Variants in MED16 observed in about 807,000 individuals in gnomAD.
MED16 encodes the protein mediator of RNA polymerase II transcription subunit 16.
Under a neutral mutation model 84.4 loss-of-function variants are expected in MED16, and 81 were observed. That is an observed-to-expected ratio of 0.96 (90% CI 0.80 to 1.15). The LOEUF (loss-of-function observed/expected upper bound fraction) is 1.15, where lower values mean the gene tolerates loss of function less well. Among genes scored for constraint, MED16 ranks in the 50% most tolerant of loss-of-function variants. The probability of loss-of-function intolerance (pLI) is 0.00; values close to 1 mark genes in which losing one functional copy is unlikely to be tolerated. For synonymous variants in MED16, 897 were observed against 552.2 expected (o/e 1.62, Z -8.76); for missense variants, 1,585 against 1,245.9 (o/e 1.27, Z -4.10).
chr19:875,308 G>A lies in MED16; in HGVS notation c.1707C>T (p.Leu569=). Residue 569 remains leucine (L), a synonymous_variant, in exon 10 of 16, where the codon CTC becomes CTT. Transcript: ENST00000325464. ...CGCCGGGGCTCTTGTCAGGCGTGTT[G>A]AGAAAGTGGGGGCGCAGCAGCGACT... is the stretch of plus-strand genomic sequence containing the variant. ...TLKSLLRPHF[L]NTPDKSPGDR... 6.2e-7 allele frequency: 1 copy of A among 1,611,142 alleles called. No individual in the cohort carries two copies.
rs530931456 is a variant in MED16 at position 874,050 on chromosome 19, A to G, written c.1772-468T>C. ...CACAGAACTAACCATGACTGTGCAC[A>G]CGGCTCCCAGCTACCAGGAGTGCCA... On this transcript the variant is annotated intron_variant, in intron 10 of 15. Transcript: ENST00000325464. Among the ~76,000 whole-genome samples, 167 of 152,242 alleles carry G rather than the reference A, an allele frequency of 1.1e-3. 2 individuals carry two copies. Among genetic ancestry groups the G allele is most frequent in the African/African-American group, 3.9e-3 (164 of 41,550 alleles).
At chr19:891,510 C>G (rs560210652) in intron 1 of MED16, among the ~76,000 whole-genome samples, 1 of 151,282 alleles carries the variant, frequency 6.6e-6, no homozygotes, top group East Asian at 1.9e-4. Flanking sequence ...ATGGGGGCAG[C>G]AAGTGGACAC....
At chr19:878,042 G>T in intron 8 of MED16, among the ~76,000 whole-genome samples, 1 of 60,154 alleles carries the variant, frequency 1.7e-5, no homozygotes. Context: ...CCAGCCCCAC[G>T]TGCCCCAGCA....
intron 5 of MED16, among the ~76,000 whole-genome samples, chr19:885,316 G>A (rs891165192): frequency 3.3e-5 from 5 of 152,148 alleles, no homozygotes; most frequent in East Asian, 1.9e-4. Flanking sequence ...GAATCCAGGC[G>A]ACCTGGTGTG....
rs756660089 is a variant in MED16, at chr19:875,352, C to T, written c.1663G>A (p.Ala555Thr). 17 of 1,609,638 alleles carry T rather than the reference C, an allele frequency of 1.1e-5. No individual in the cohort carries two copies. The highest frequency in any genetic ancestry group is 3.3e-5 in the Admixed American group (2 of 59,944). Residue 555 changes from alanine (A) to threonine (T), a missense_variant, in exon 10 of 16, where the codon GCC becomes ACC. By Grantham distance (58) the Ala-to-Thr change is moderately conservative. Coordinates refer to ENST00000325464, the MANE Select transcript of MED16 (RefSeq NM_005481.3). ...AGCGACTTCAGGGTGGAGCTGATGG[C>T]GATGAGGAAGAGCTTGGTGTGGTAG... is the stretch of plus-strand genomic sequence containing the variant. ...CDYHTKLFLI[A>T]ISSTLKSLLR...
chr19:879,914 C>A (rs780595894), intron 8 of MED16, 23 bp downstream of exon 8: 38 of 1,567,242 alleles, frequency 2.4e-5, no homozygotes, highest in Non-Finnish European at 3.0e-5. Context: ...CCAGCCCCGG[C>A]CCCACGTGCC....
Position 868,957 on chromosome 19 carries a change from A to AGGGGAGAACGTG in MED16, c.2316-23_2316-12dup, listed in dbSNP as rs1661795795. On this transcript the variant is annotated splice_polypyrimidine_tract_variant and intron_variant, in intron 13 of 15. Transcript: ENST00000325464. ...GGCTGGCCTGGGGCCCTGGCGGGAGAGGGGAGAACGTGAGGGAGGCCTGGG... is the reference window on the plus strand; with the variant it reads ...GGCTGGCCTGGGGCCCTGGCGGGAGAGGGGAGAACGTGGGGGAGAACGTGAGGGAGGCCTGGG... The AGGGGAGAACGTG allele has an allele frequency of 6.5e-7, 1 of 1,532,088 alleles. No homozygotes were observed. The highest frequency in any genetic ancestry group is 8.7e-7 in the Non-Finnish European group (1 of 1,146,788). 94.9% of individuals were successfully genotyped at this position (1,532,088 alleles called of 1,614,324 possible).
chr19:891,795 T>G (rs1279067787), intron 1 of MED16, among the ~76,000 whole-genome samples: 1 of 68,848 alleles, frequency 1.5e-5, no homozygotes, highest in East Asian at 4.1e-4. Context: ...GGAACACCTG[T>G]GGCCGAGGCG....
At chr19:891,630 G>C (rs1398148955) in intron 1 of MED16, among the ~76,000 whole-genome samples, 6 of 141,772 alleles carry the variant, frequency 4.2e-5, no homozygotes, top group Admixed American at 2.8e-4. Flanking sequence ...GCGGGGCTGA[G>C]TGACAGGGAA....
At chr19:891,986 C>T (rs1360790080) in intron 1 of MED16, among the ~76,000 whole-genome samples, 1 of 119,450 alleles carries the variant, frequency 8.4e-6, no homozygotes, top group South Asian at 2.9e-4. Flanking sequence ...CACCTGTGGC[C>T]GAGGCGGGGC....
intron 13 of MED16, 46 bp downstream of exon 13, chr19:870,991 G>A (rs1218632629): frequency 6.7e-5 from 99 of 1,478,060 alleles, no homozygotes; most frequent in Admixed American, 4.0e-4. Context: ...GCAGGACACG[G>A]AGGAAGGAGT....
chr19:880,378 C>A (rs1290980487), intron 7 of MED16, among the ~76,000 whole-genome samples: 3 of 152,238 alleles, frequency 2.0e-5, no homozygotes, highest in East Asian at 3.9e-4. Context: ...GCTCCCAGCC[C>A]CTCCCCGCCC....
intron 11 of MED16, among the ~76,000 whole-genome samples, chr19:872,446 C>T (rs2145197477): frequency 6.6e-6 from 1 of 152,126 alleles, no homozygotes; most frequent in South Asian, 2.1e-4. Context: ...GGGCCCGGGC[C>T]CCTGGTGACT....
chr19:878,527 T>C, intron 8 of MED16, among the ~76,000 whole-genome samples: 1 of 113,600 alleles, frequency 8.8e-6, no homozygotes, highest in African/African-American at 3.5e-5. Flanking sequence ...CCCCAGCAGC[T>C]CACCTTCCCG....
intron 12 of MED16, chr19:871,455 C>A (rs915614311): frequency 3.5e-6 from 5 of 1,411,228 alleles, no homozygotes; most frequent in Middle Eastern, 3.7e-4. Context: ...AGAGTTCTCT[C>A]CCCGTCTCTG....
chr19:890,873 G>C (rs758183548), intron 2 of MED16, 90 bp downstream of exon 2: 2 of 1,392,432 alleles, frequency 1.4e-6, no homozygotes, highest in Non-Finnish European at 1.9e-6. Context: ...CTGAGAGACC[G>C]AGTCCCTTCA....
chr19:883,981 C>T (rs2036474115), intron 6 of MED16, among the ~76,000 whole-genome samples: 2 of 152,168 alleles, frequency 1.3e-5, no homozygotes, highest in South Asian at 4.1e-4. Context: ...CCCTCTTCAC[C>T]TTTACTGCCT....
chr19:876,670 C>T (rs1345729981), intron 9 of MED16, among the ~76,000 whole-genome samples: 4 of 152,038 alleles, frequency 2.6e-5, no homozygotes. Context: ...CTCTTGCCCT[C>T]CGCCTGCCAT....
intron 4 of MED16, 49 bp from the exon 5 acceptor site, chr19:886,250 C>A (rs777298547): frequency 1.4e-6 from 2 of 1,427,548 alleles, no homozygotes; most frequent in Admixed American, 2.5e-5. Context: ...CTCATGGGGG[C>A]TGCCCCATGA....
Sources: gnomAD v4.1 joint callset for allele counts (sites outside exome capture counted in the v4.1 genomes callset) on GRCh38, gnomAD v4.1.1 for gene constraint, MANE v1.5 for transcripts, NCBI Gene and HGNC (gene_info 2026-07-23, HGNC 2026-07-21) for gene names.